Variants in EFL1 observed in about 807,000 individuals in gnomAD.
The protein encoded by EFL1 is elongation factor like GTPase 1.
Under a neutral mutation model 126.7 loss-of-function variants are expected in EFL1, and 76 were observed. The observed-to-expected ratio is 0.60, with a 90% CI of 0.50 to 0.73. The LOEUF (loss-of-function observed/expected upper bound fraction) is 0.73, where lower values mean the gene tolerates loss of function less well. Ranked by LOEUF, EFL1 falls within the 30% of genes least tolerant of loss-of-function variation. EFL1 has a pLI of 0.00. For synonymous variants in EFL1, 410 were observed against 448.4 expected, an observed-to-expected ratio of 0.91 and a Z score of 1.08; for missense variants, 1,128 against 1,343.2, an observed-to-expected ratio of 0.84 and a Z score of 2.50.
intron 4 of EFL1, among the ~76,000 whole-genome samples, chr15:82,245,137 A>C (rs1183645909): frequency 6.6e-6 from 1 of 152,074 alleles, no homozygotes; most frequent in Non-Finnish European, 1.5e-5. Context: ...CCTCCACAGG[A>C]AATACTACTT....
intron 4 of EFL1, among the ~76,000 whole-genome samples, chr15:82,244,772 C>G (rs1383997772): frequency 6.6e-6 from 1 of 152,162 alleles, no homozygotes; most frequent in Non-Finnish European, 1.5e-5. Context: ...ACATTTGTCA[C>G]TAGGACCTGC....
At chr15:82,164,896 C>CA (rs1240782656) in intron 15 of EFL1, among the ~76,000 whole-genome samples, 26,956 of 91,314 alleles carry the variant, frequency 0.3, 3,017 homozygotes, top group South Asian at 0.47. Context: ...GATTCCACCT[C>CA]AAAAAAAAAA....
At chr15:82,142,825 T>G (rs933524248) in intron 18 of EFL1, among the ~76,000 whole-genome samples, 4 of 152,168 alleles carry the variant, frequency 2.6e-5, no homozygotes, top group Non-Finnish European at 4.4e-5. Flanking sequence ...TTCTTTAACC[T>G]AGAATACTCT....
chr15:82,147,413 T>C (rs2073859022), intron 18 of EFL1, among the ~76,000 whole-genome samples: 1 of 151,730 alleles, frequency 6.6e-6, no homozygotes, highest in Non-Finnish European at 1.5e-5. Flanking sequence ...GCGGATCACT[T>C]GAGGCCAGGA....
chr15:82,201,065 G>A (rs544540778), intron 15 of EFL1, among the ~76,000 whole-genome samples: 1 of 152,134 alleles, frequency 6.6e-6, no homozygotes, highest in African/African-American at 2.4e-5. Context: ...TTGTAGAAAC[G>A]GGGTCCCACT....
At chr15:82,204,402 A>G (rs2074502837) in intron 15 of EFL1, among the ~76,000 whole-genome samples, 1 of 151,604 alleles carries the variant, frequency 6.6e-6, no homozygotes, top group African/African-American at 2.4e-5. Context: ...AAAAAAATCT[A>G]CTTAACCAAT....
chr15:82,211,881 C>A (rs1209382151), intron 15 of EFL1, among the ~76,000 whole-genome samples: 1 of 152,106 alleles, frequency 6.6e-6, no homozygotes, highest in African/African-American at 2.4e-5. Flanking sequence ...ACTCTTCCTC[C>A]TAATAAACAC....
At chr15:82,185,214 T>TGTGC (rs1491357360) in intron 15 of EFL1, among the ~76,000 whole-genome samples, 26 of 143,162 alleles carry the variant, frequency 1.8e-4, no homozygotes, top group African/African-American at 6.4e-4. Flanking sequence ...TGTGTGTGTG[T>TGTGC]GCGTTCCTCA....
rs577529147 is a variant in EFL1, at chr15:82,198,125, G to A, written c.1750+16592C>T. Among the ~76,000 whole-genome samples the A allele has an allele frequency of 2.1e-3, 321 of 152,300 alleles. 2 individuals are homozygous for A. The highest frequency in any genetic ancestry group is 4.0e-3 in the Non-Finnish European group (272 of 68,030). ...GTGGACAGAGCACAGGCTCATGCAT[G>A]CGCTGACATTGAAATTGCACTCTGT... On this transcript the variant is annotated intron_variant, in intron 15 of 19. Coordinates refer to ENST00000268206, the MANE Select transcript of EFL1 (RefSeq NM_024580.6).
chr15:82,207,934 T>C (rs1290000613), intron 15 of EFL1, among the ~76,000 whole-genome samples: 1 of 152,166 alleles, frequency 6.6e-6, no homozygotes, highest in African/African-American at 2.4e-5. Flanking sequence ...TTGGCCAGGC[T>C]GGTTTTGAAC....
chr15:82,241,337 G>T lies in EFL1; in HGVS notation c.311C>A (p.Ser104Ter). Residue 104 changes from serine (S) to a stop codon, truncating the protein, a stop_gained, in exon 5 of 20, where the codon TCA (serine) becomes TAA (stop). Coordinates refer to ENST00000268206, the MANE Select transcript of EFL1 (RefSeq NM_024580.6). LOFTEE classifies it high-confidence loss of function. ...TCCATCACAAATGCGAACAGCGGTT[G>T]ATACTTCTGAGGAAAAGTCCACGTG... is the stretch of plus-strand genomic sequence containing the variant. The part of the protein sequence containing the change: ...PGHVDFSSEV[S>*]TAVRICDGCI... The T allele has an allele frequency of 6.2e-7, 1 of 1,613,980 alleles. No individual in the cohort carries two copies. Among genetic ancestry groups the T allele is most frequent in the Non-Finnish European group, 8.5e-7 (1 of 1,179,872 alleles).
intron 15 of EFL1, among the ~76,000 whole-genome samples, chr15:82,195,816 C>T (rs1057321564): frequency 2.4e-4 from 36 of 152,082 alleles, no homozygotes; most frequent in Non-Finnish European, 4.6e-4. Context: ...CCAGGCTCAA[C>T]ATCAGAGATA....
At chr15:82,211,022 T>C (rs1168425289) in intron 15 of EFL1, among the ~76,000 whole-genome samples, 4 of 151,962 alleles carry the variant, frequency 2.6e-5, no homozygotes, top group Admixed American at 2.0e-4. Flanking sequence ...CTGGAACACA[T>C]AGATTATTTC....
At chr15:82,228,546 T>C (rs2074788332) in intron 9 of EFL1, among the ~76,000 whole-genome samples, 1 of 152,182 alleles carries the variant, frequency 6.6e-6, no homozygotes. Flanking sequence ...CAGGAAGTAC[T>C]TCTCCACCAT....
intron 7 of EFL1, among the ~76,000 whole-genome samples, chr15:82,237,658 C>T (rs1034347743): frequency 1.3e-5 from 2 of 150,918 alleles, no homozygotes; most frequent in African/African-American, 4.9e-5. Flanking sequence ...CACTCCTAGG[C>T]ATTTATTCCA....
rs576842088 is a variant in EFL1, at chr15:82,180,232, A to G, written c.1751-16248T>C. ...CTCACTATGGCCTTACTGTCTCTCT[A>G]CTCAGATACTCACCAGAATTGCTAT... On this transcript the variant is annotated intron_variant, in intron 15 of 19. Coordinates refer to ENST00000268206, the MANE Select transcript of EFL1 (RefSeq NM_024580.6). 2.1e-3 allele frequency among the ~76,000 whole-genome samples: 320 copies of G among 152,144 alleles called. 2 individuals are homozygous for G. The highest frequency in any genetic ancestry group is 4.0e-3 in the Non-Finnish European group (273 of 68,000).
At chr15:82,172,032 T>G (rs1275680633) in intron 15 of EFL1, among the ~76,000 whole-genome samples, 2 of 148,370 alleles carry the variant, frequency 1.3e-5, no homozygotes, top group Non-Finnish European at 3.0e-5. Flanking sequence ...AGAATATAAA[T>G]AGTCCAAGAA....
intron 18 of EFL1, 71 bp from the exon 19 acceptor site, chr15:82,138,913 C>A: frequency 7.2e-7 from 1 of 1,381,466 alleles, no homozygotes; most frequent in South Asian, 1.4e-5. Flanking sequence ...ACATGATTAC[C>A]CATATACTCT....
intron 5 of EFL1, 143 bp from the exon 6 acceptor site, chr15:82,240,698 G>A: frequency 1.1e-6 from 1 of 899,592 alleles, no homozygotes; most frequent in Non-Finnish European, 1.7e-6. Context: ...GTATACAGCG[G>A]AGTAGCAAAG....
Sources: allele counts gnomAD v4.1 joint callset (sites outside exome capture counted in the v4.1 genomes callset), GRCh38; gene constraint gnomAD v4.1.1; transcripts MANE v1.5; gene names NCBI Gene and HGNC (gene_info 2026-07-23, HGNC 2026-07-21).